DLGAP5: variants seen among roughly 807,000 people sequenced by gnomAD.
DLGAP5 encodes DLG associated protein 5.
In DLGAP5, 90 loss-of-function variants were observed where a neutral mutation model predicts 99.6. The ratio of observed to expected loss-of-function variants is 0.90; its 90% CI spans 0.76 to 1.08. The LOEUF (loss-of-function observed/expected upper bound fraction) is 1.08, where lower values mean the gene tolerates loss of function less well. Among genes scored for constraint, DLGAP5 ranks in the 50% least tolerant of loss-of-function variants. The pLI is 0.00. For missense variants in DLGAP5, 1,036 were observed against 983.5 expected (o/e 1.05, Z -0.71); for synonymous variants, 311 against 321.3 (o/e 0.97, Z 0.34).
At chr14:55,154,128 C>A (rs540044309) in intron 15 of DLGAP5, among the ~76,000 whole-genome samples, 12 of 152,158 alleles carry the variant, frequency 7.9e-5, no homozygotes, top group African/African-American at 9.7e-5. Context: ...AACTCCCCCC[C>A]CTTCAATATG....
chr14:55,172,899 T>C (rs1882909708), intron 10 of DLGAP5, among the ~76,000 whole-genome samples: 1 of 148,188 alleles, frequency 6.7e-6, no homozygotes, highest in African/African-American at 2.5e-5. Context: ...TGAGAATTGC[T>C]TGAACCTGGG....
chr14:55,148,228 G>T lies in DLGAP5; in HGVS notation c.*123C>A. The T allele has an allele frequency of 1.0e-6, 1 of 988,422 alleles. No individual in the cohort carries two copies. The highest frequency in any genetic ancestry group is 1.5e-6 in the Non-Finnish European group (1 of 681,466). The allele number at this position is 988,422 out of a possible 1,614,324, so 61.2% of individuals were successfully genotyped here. On this transcript the variant is annotated 3_prime_UTR_variant, in exon 19 of 19. Coordinates refer to ENST00000247191, the MANE Select transcript of DLGAP5 (RefSeq NM_014750.5). ...TCTAAAATACACTTTGATGAACACA[G>T]AATATTAAAACATTATATGCTATAG...
At chr14:55,153,332 G>A (rs181760960) in intron 15 of DLGAP5, among the ~76,000 whole-genome samples, 64 of 152,158 alleles carry the variant, frequency 4.2e-4, no homozygotes, top group African/African-American at 1.5e-3. Flanking sequence ...ACGAGGTCAG[G>A]AGATTGAGAC....
At chr14:55,169,342 T>TA (rs61278586) in intron 12 of DLGAP5, 57 bp downstream of exon 12, 152,163 of 862,864 alleles carry the variant, frequency 0.18, 7,086 homozygotes, top group Admixed American at 0.19. Context: ...TCCTGCTACT[T>TA]AAAAAAAAAA....
At position 55,189,015 on chromosome 14, in the gene DLGAP5, C is replaced by CA; in HGVS notation, c.164dup (p.Leu55PhefsTer4). The CA allele has an allele frequency of 6.2e-6, 10 of 1,613,908 alleles. No homozygotes were observed. Among genetic ancestry groups the CA allele is most frequent in the Non-Finnish European group, 8.5e-6 (10 of 1,179,964 alleles). ...CTAATTCAACAAGAATTCTACCTTC[C>CA]AAGGTTGGAATGTTTACATCTTTCA... On this transcript the variant is annotated frameshift_variant, in exon 2 of 19. Coordinates refer to ENST00000247191, the MANE Select transcript of DLGAP5 (RefSeq NM_014750.5). LOFTEE classifies it high-confidence loss of function.
rs1268866397 is a variant in DLGAP5 at position 55,162,959 on chromosome 14, C to T, written c.1653+12G>A. ...AAAAAAAAAAAATTGGATATAAAAC[C>T]CACAAACTTACCCTAAAGACATTTT... is the stretch of plus-strand genomic sequence containing the variant. On this transcript the variant is annotated intron_variant, in intron 13 of 18. Transcript: ENST00000247191. The T allele has an allele frequency of 5.4e-6, 8 of 1,489,512 alleles. No individual in the cohort carries two copies. In the Admixed American group the frequency reaches 1.7e-4, roughly 31 times the overall value. 92.3% of individuals were successfully genotyped at this position (1,489,512 alleles called of 1,614,324 possible).
At position 55,180,796 on chromosome 14, in the gene DLGAP5, A is replaced by G; in HGVS notation, c.581-18T>C. ...CTGCACAACTGTGGGAAAAAAAAAT[A>G]ACTACATCAAATGTCCCTTGTAGTT... On this transcript the variant is annotated intron_variant, in intron 5 of 18. Coordinates refer to ENST00000247191, the MANE Select transcript of DLGAP5 (RefSeq NM_014750.5). 1 of 1,613,860 alleles carries G rather than the reference A, an allele frequency of 6.2e-7. No individual in the cohort carries two copies. The highest frequency in any genetic ancestry group is 8.5e-7 in the Non-Finnish European group (1 of 1,179,856).
At chr14:55,179,735 G>C (rs761447715) in intron 6 of DLGAP5, 36 bp from the exon 7 acceptor site, 1 of 1,529,728 alleles carries the variant, frequency 6.5e-7, no homozygotes. Context: ...TTACTAGATA[G>C]AAATGCTACA....
chr14:55,169,554 C>A lies in DLGAP5; in HGVS notation c.1393G>T (p.Asp465Tyr), dbSNP rs1882779344. Residue 465 changes from aspartate to tyrosine, a missense_variant, in exon 12 of 19, where the codon GAT (aspartate) becomes TAT (tyrosine). Transcript: ENST00000247191. ...TGACCAACTGCTGTGCGAATAAGATCTTTAGCTGAAGGAAATAAGAGATTT... is the reference window on the plus strand; with the variant it reads ...TGACCAACTGCTGTGCGAATAAGATATTTAGCTGAAGGAAATAAGAGATTT... ...LELDIPDDAKDLIRTAVGQTR... is the reference protein window; with the variant it reads ...LELDIPDDAKYLIRTAVGQTR... The A allele has an allele frequency of 1.9e-6, 3 of 1,581,608 alleles. No homozygotes were observed. The Admixed American group carries it at 6.1e-5, about 32-fold the overall frequency.
chr14:55,164,577 T>C (rs1882568796), intron 12 of DLGAP5, among the ~76,000 whole-genome samples: 1 of 152,000 alleles, frequency 6.6e-6, no homozygotes, highest in Admixed American at 6.6e-5. Context: ...TCTTTGTGAC[T>C]TGTGGTTAGG....
chr14:55,174,675 C>T (rs1490448742), intron 10 of DLGAP5, among the ~76,000 whole-genome samples: 3 of 151,464 alleles, frequency 2.0e-5, no homozygotes, highest in East Asian at 1.9e-4. Context: ...GCAGATTCCC[C>T]GATATATATA....
At chr14:55,174,864 C>A (rs750139415) in intron 10 of DLGAP5, among the ~76,000 whole-genome samples, 9 of 152,020 alleles carry the variant, frequency 5.9e-5, no homozygotes, top group Non-Finnish European at 1.0e-4. Flanking sequence ...ATAATTTTTA[C>A]AGTTTTAGTA....
intron 4 of DLGAP5, among the ~76,000 whole-genome samples, chr14:55,181,864 G>T (rs915090238): frequency 1.3e-5 from 2 of 152,054 alleles, no homozygotes; most frequent in Non-Finnish European, 2.9e-5. Context: ...TCCACAAAGA[G>T]AATTTAGTTT....
intron 8 of DLGAP5, 75 bp downstream of exon 8, chr14:55,176,987 A>AAAAAG: frequency 1.1e-6 from 1 of 933,764 alleles, no homozygotes; most frequent in East Asian, 4.8e-5. Context: ...AAAAAAAAAA[A>AAAAAG]AAAAAAAAAA....
At chr14:55,174,006 A>G (rs1036090499) in intron 10 of DLGAP5, among the ~76,000 whole-genome samples, 1 of 152,254 alleles carries the variant, frequency 6.6e-6, no homozygotes, top group Non-Finnish European at 1.5e-5. Context: ...TTCAGGGAAT[A>G]AGAGAGATAA....
At chr14:55,150,948 C>G (rs1336676284) in intron 17 of DLGAP5, 100 bp from the exon 18 acceptor site, 1 of 755,510 alleles carries the variant, frequency 1.3e-6, no homozygotes. Context: ...TTCCACATAT[C>G]AAATGCTAAG....
intron 18 of DLGAP5, 162 bp downstream of exon 18, chr14:55,150,637 T>C (rs1057020277): frequency 6.9e-5 from 36 of 518,994 alleles, no homozygotes; most frequent in Non-Finnish European, 1.0e-4. Context: ...TTTTAAAGTA[T>C]ATAAACACCA....
chr14:55,149,812 GGGC>G (rs1291720116), intron 18 of DLGAP5, among the ~76,000 whole-genome samples: 8 of 47,038 alleles, frequency 1.7e-4, no homozygotes, highest in East Asian at 9.8e-4. Context: ...TTGAGAATCG[GGGC>G]GGGGGGGGGG....
intron 18 of DLGAP5, among the ~76,000 whole-genome samples, chr14:55,149,850 G>T (rs1881952327): frequency 6.6e-6 from 1 of 151,272 alleles, no homozygotes; most frequent in African/African-American, 2.4e-5. Context: ...AGAAGTTCGA[G>T]ACCAGCCTGG....
Sources: gnomAD v4.1 joint callset for allele counts (sites outside exome capture counted in the v4.1 genomes callset) on GRCh38, gnomAD v4.1.1 for gene constraint, MANE v1.5 for transcripts, NCBI Gene and HGNC (gene_info 2026-07-23, HGNC 2026-07-21) for gene names.